Variants in TRABD2B observed in about 807,000 individuals in gnomAD.
The protein encoded by TRABD2B is metalloprotease TIKI2.
A neutral mutation model predicts 40.1 loss-of-function variants in TRABD2B; 14 were observed. The observed-to-expected ratio is 0.35, with a 90% CI of 0.23 to 0.55. The LOEUF is 0.55. TRABD2B is among the 20% of genes least tolerant of loss of function. The pLI, the probability that TRABD2B is intolerant of heterozygous loss-of-function variation, is 0.90. For missense variants in TRABD2B, 541 were observed against 648.6 expected, an observed-to-expected ratio of 0.83 and a Z score of 1.80; for synonymous variants, 263 against 277.0, an observed-to-expected ratio of 0.95 and a Z score of 0.50.
In TRABD2B at chr1:47,762,419, T is replaced by G. The variant is rs1644253889; in HGVS notation, c.*3483A>C. Reference sequence around the variant, plus strand: ...ATTCCCTGGAGAACTTCTCTTGTCCTTCACAGCATTTTCAATAGACTTTCC... The same window carrying G: ...ATTCCCTGGAGAACTTCTCTTGTCCGTCACAGCATTTTCAATAGACTTTCC... On this transcript the variant is annotated 3_prime_UTR_variant, in exon 7 of 7. Transcript: ENST00000606738. 6.6e-6 allele frequency: 1 copy of G among 152,234 alleles called. No individual in the cohort carries two copies. Among genetic ancestry groups the G allele is most frequent in the South Asian group, 2.1e-4 (1 of 4,828 alleles). 9.4% of individuals were successfully genotyped at this position (152,234 alleles called of 1,614,324 possible).
chr1:47,851,864 G>A (rs1005784879), intron 2 of TRABD2B, among the ~76,000 whole-genome samples: 25 of 152,284 alleles, frequency 1.6e-4, no homozygotes, highest in African/African-American at 5.5e-4. Context: ...GAGAAATTGC[G>A]GAAATAGCTC....
At chr1:47,977,374 G>T (rs988116045) in intron 2 of TRABD2B, among the ~76,000 whole-genome samples, 1 of 152,118 alleles carries the variant, frequency 6.6e-6, no homozygotes, top group Non-Finnish European at 1.5e-5. Context: ...GCCCAGCCAG[G>T]TTAGTCCATT....
intron 2 of TRABD2B, among the ~76,000 whole-genome samples, chr1:47,964,348 G>C (rs1048975519): frequency 1.3e-5 from 2 of 152,150 alleles, no homozygotes; most frequent in African/African-American, 2.4e-5. Flanking sequence ...TTTTAGGGGA[G>C]AGTCCACAAA....
Position 47,763,194 on chromosome 1 carries a change from G to C in TRABD2B, c.*2708C>G, listed in dbSNP as rs1644262766. ...AAGTGCCCCAGACATGCAGATTCCT[G>C]CATATGTGCCTCAAGTCTTTTGGGT... On this transcript the variant is annotated 3_prime_UTR_variant, in exon 7 of 7. Coordinates refer to ENST00000606738, the MANE Select transcript of TRABD2B (RefSeq NM_001194986.2). The C allele has an allele frequency of 6.6e-6, 1 of 152,200 alleles. No individual in the cohort carries two copies. Among genetic ancestry groups the C allele is most frequent in the South Asian group, 2.1e-4 (1 of 4,836 alleles). The allele number at this position is 152,200 out of a possible 1,614,324, so 9.4% of individuals were successfully genotyped here.
Position 47,778,449 on chromosome 1 carries a change from C to T in TRABD2B, c.1079+5G>A. 1 of 1,535,184 alleles carries T rather than the reference C, an allele frequency of 6.5e-7. No individual in the cohort carries two copies. Among genetic ancestry groups the T allele is most frequent in the Non-Finnish European group, 8.7e-7 (1 of 1,146,022 alleles). On this transcript the variant is annotated splice_donor_5th_base_variant and intron_variant, in intron 5 of 6. Transcript: ENST00000606738. ...AGGGCCAAGGCACACCCAGATGTGG[C>T]TTACCTGTGTATGGCCTGCCCGGCG...
intron 2 of TRABD2B, among the ~76,000 whole-genome samples, chr1:47,890,494 C>T (rs1023017197): frequency 2.0e-5 from 3 of 152,154 alleles, no homozygotes; most frequent in Non-Finnish European, 2.9e-5. Flanking sequence ...TGGGGAGATG[C>T]TGCAACTTCC....
intron 2 of TRABD2B, among the ~76,000 whole-genome samples, chr1:47,901,777 G>T (rs1336088915): frequency 6.6e-6 from 1 of 152,144 alleles, no homozygotes; most frequent in Non-Finnish European, 1.5e-5. Flanking sequence ...GGAAGCCCAG[G>T]GTCTAATTAG....
chr1:47,908,967 G>A (rs1443578813), intron 2 of TRABD2B, among the ~76,000 whole-genome samples: 1 of 152,242 alleles, frequency 6.6e-6, no homozygotes, highest in Non-Finnish European at 1.5e-5. Flanking sequence ...TGGACATCAG[G>A]AAGGTCTTTC....
At chr1:47,789,723 GC>G (rs1644645061) in intron 4 of TRABD2B, among the ~76,000 whole-genome samples, 1 of 152,094 alleles carries the variant, frequency 6.6e-6, no homozygotes, top group South Asian at 2.1e-4. Context: ...TTGCCTGCCA[GC>G]CTCCTCCCTC....
intron 2 of TRABD2B, among the ~76,000 whole-genome samples, chr1:47,879,137 T>C (rs982481684): frequency 2.0e-5 from 3 of 151,104 alleles, no homozygotes; most frequent in Non-Finnish European, 4.4e-5. Context: ...CATAGACCAG[T>C]GATGATAGTA....
intron 2 of TRABD2B, among the ~76,000 whole-genome samples, chr1:47,888,794 G>A (rs1475687085): frequency 6.6e-6 from 1 of 152,132 alleles, no homozygotes. Flanking sequence ...TCCCACGGAC[G>A]CTGACTGCTG....
chr1:47,853,736 GTCT>G (rs1395462863), intron 2 of TRABD2B, among the ~76,000 whole-genome samples: 4 of 152,128 alleles, frequency 2.6e-5, no homozygotes, highest in Non-Finnish European at 4.4e-5. Flanking sequence ...CTGTCAATCT[GTCT>G]TCTTCTCAGC....
chr1:47,775,035 G>C, intron 6 of TRABD2B, 135 bp downstream of exon 6: 1 of 844,686 alleles, frequency 1.2e-6, no homozygotes, highest in Non-Finnish European at 1.6e-6. Flanking sequence ...GGAACGTGCT[G>C]TAGAAAGCCA....
chr1:47,974,353 C>T (rs1645724537), intron 2 of TRABD2B, among the ~76,000 whole-genome samples: 1 of 152,030 alleles, frequency 6.6e-6, no homozygotes, highest in African/African-American at 2.4e-5. Flanking sequence ...ATGTGCCTTC[C>T]CCAGGTGTTC....
chr1:47,991,306 C>T (rs943321439), intron 2 of TRABD2B, among the ~76,000 whole-genome samples: 1 of 152,062 alleles, frequency 6.6e-6, no homozygotes, highest in Admixed American at 6.5e-5. Flanking sequence ...GTGCCTGGCA[C>T]GTGGAATTGA....
intron 2 of TRABD2B, among the ~76,000 whole-genome samples, chr1:47,938,107 C>T (rs1428643864): frequency 6.6e-6 from 1 of 152,174 alleles, no homozygotes; most frequent in African/African-American, 2.4e-5. Flanking sequence ...CAGAACAAGG[C>T]CTGAGGGAAA....
chr1:47,765,944 G>T lies in TRABD2B; in HGVS notation c.1512C>A (p.Thr504=). The T allele has an allele frequency of 1.4e-6, 1 of 702,590 alleles. No homozygotes were observed. The highest frequency in any genetic ancestry group is 2.6e-6 in the Non-Finnish European group (1 of 384,894). 43.5% of individuals were successfully genotyped at this position (702,590 alleles called of 1,614,324 possible). A position where few individuals can be genotyped will look rare whatever the true frequency, so the allele number is the denominator to read the frequency against. ...TATGCAGCAGGAAGCAGACAGCGATGGTGGTGGCGATGGCGGGGAGAAGGC... is the reference window on the plus strand; with the variant it reads ...TATGCAGCAGGAAGCAGACAGCGATTGTGGTGGCGATGGCGGGGAGAAGGC... ...TLGLLPAIAT[T]IAVCFLLHSL... Residue 504 remains threonine (T), a synonymous_variant, in exon 7 of 7, where the codon ACC becomes ACA. Transcript: ENST00000606738.
chr1:47,814,199 G>A (rs1236627080), intron 2 of TRABD2B, among the ~76,000 whole-genome samples: 1 of 152,224 alleles, frequency 6.6e-6, no homozygotes, highest in East Asian at 1.9e-4. Context: ...CCGTGTCAGT[G>A]ACGGCAGGGG....
intron 2 of TRABD2B, among the ~76,000 whole-genome samples, chr1:47,955,636 C>G (rs546985841): frequency 1.3e-5 from 2 of 152,156 alleles, no homozygotes; most frequent in Non-Finnish European, 2.9e-5. Context: ...CTTCCTCTGC[C>G]TGGAATTTCT....
Sources: allele counts gnomAD v4.1 joint callset (sites outside exome capture counted in the v4.1 genomes callset), GRCh38; gene constraint gnomAD v4.1.1; transcripts MANE v1.5; gene names NCBI Gene and HGNC (gene_info 2026-07-23, HGNC 2026-07-21).